GLB1L: variants seen among roughly 807,000 people sequenced by gnomAD.
The protein encoded by GLB1L is galactosidase beta 1 like.
In GLB1L, 58 loss-of-function variants were observed where a neutral mutation model predicts 75.7. That is an observed-to-expected ratio of 0.77 (90% CI 0.62 to 0.95). The LOEUF (loss-of-function observed/expected upper bound fraction) is 0.95, where lower values mean the gene tolerates loss of function less well. Ranked by LOEUF, GLB1L falls within the 40% of genes least tolerant of loss-of-function variation. GLB1L has a pLI of 0.00. For missense variants in GLB1L, 797 were observed against 805.5 expected (o/e 0.99, Z 0.13); for synonymous variants, 296 against 303.0 (o/e 0.98, Z 0.24).
At chr2:219,243,418 GGTT>G (rs1227250817) in intron 2 of GLB1L, 81 bp downstream of exon 2, 3 of 1,597,366 alleles carry the variant, frequency 1.9e-6, no homozygotes, top group African/African-American at 2.7e-5. Context: ...CGGGTTGTTT[GGTT>G]GTTACTTTGG....
At chr2:219,240,347 A>G (rs1169313554) in intron 5 of GLB1L, 62 bp from the exon 6 acceptor site, 5 of 1,238,860 alleles carry the variant, frequency 4.0e-6, no homozygotes, top group Non-Finnish European at 3.6e-6. Flanking sequence ...ACCACTAAAT[A>G]TGGGAAGCAA....
chr2:219,241,479 T>C (rs1450350835), intron 5 of GLB1L, among the ~76,000 whole-genome samples: 6 of 142,998 alleles, frequency 4.2e-5, no homozygotes, highest in African/African-American at 1.0e-4. Context: ...TACATATATA[T>C]GTATGTATAG....
At chr2:219,238,069 T>G in intron 14 of GLB1L, 112 bp from the exon 15 acceptor site, 1 of 1,165,328 alleles carries the variant, frequency 8.6e-7, no homozygotes, top group South Asian at 1.4e-5. Context: ...TGTAGCCATC[T>G]ATCACCCATC....
chr2:219,242,941 G>C (rs762477494), intron 3 of GLB1L, 23 bp from the exon 4 acceptor site: 1 of 1,613,816 alleles, frequency 6.2e-7, no homozygotes, highest in South Asian at 1.1e-5. Context: ...GAGGTTAATA[G>C]GAACCAAGGT....
rs1186007438 is a variant in GLB1L at position 219,242,916 on chromosome 2, T to C, written c.242A>G (p.Tyr81Cys). The C allele has an allele frequency of 3.1e-6, 5 of 1,613,984 alleles. No homozygotes were observed. The highest frequency in any genetic ancestry group is 1.3e-5 in the African/African-American group (1 of 74,896). ...RWSGLNAIQF[Y>C]VPWNYHEPQP... ...TGGCTCGTGGTAGTTCCAGGGCACA[T>C]AACTGAGAAAGGAAGAGGTTAATAG... The change falls in exon 4 of 17, where the codon TAT (tyrosine) becomes TGT (cysteine). Residue 81 changes from tyrosine to cysteine, a missense_variant and splice_region_variant. Coordinates refer to ENST00000295759, the MANE Select transcript of GLB1L (RefSeq NM_001286423.2).
intron 5 of GLB1L, among the ~76,000 whole-genome samples, chr2:219,241,465 T>TATATATATATATAC (rs1457421471): frequency 1.2e-4 from 16 of 136,510 alleles, no homozygotes; most frequent in East Asian, 1.1e-3. Flanking sequence ...TATATATATA[T>TATATATATATATAC]ACATACATAT....
chr2:219,241,958 A>T (rs955492232), intron 5 of GLB1L, among the ~76,000 whole-genome samples: 1 of 152,036 alleles, frequency 6.6e-6, no homozygotes. Context: ...AAGCACTTAA[A>T]TTTAATGTTT....
chr2:219,242,313 CT>C (rs958324397), intron 5 of GLB1L, among the ~76,000 whole-genome samples, 200 bp downstream of exon 5: 13 of 148,708 alleles, frequency 8.7e-5, no homozygotes, highest in Non-Finnish European at 1.6e-4. Context: ...TAATCAGTTT[CT>C]TCCACTATAT....
In GLB1L at chr2:219,236,889, C is replaced by A. The variant is rs1385869549; in HGVS notation, c.*183G>T. Reference sequence around the variant, plus strand: ...AAGCAATTCTCCTGCCCTCAGCCTCCCAAGTAGCTGGGATTAGAGGTGCCC... The same window carrying A: ...AAGCAATTCTCCTGCCCTCAGCCTCACAAGTAGCTGGGATTAGAGGTGCCC... On this transcript the variant is annotated 3_prime_UTR_variant, in exon 17 of 17. Coordinates refer to ENST00000295759, the MANE Select transcript of GLB1L (RefSeq NM_001286423.2). The A allele has an allele frequency of 3.8e-6, 2 of 527,656 alleles. No homozygotes were observed. Among genetic ancestry groups the A allele is most frequent in the Non-Finnish European group, 6.8e-6 (2 of 295,840 alleles). The allele number at this position is 527,656 out of a possible 1,614,324, so 32.7% of individuals were successfully genotyped here.
Position 219,242,810 on chromosome 2 carries a change from G to T in GLB1L, c.348C>A (p.Val116=). 6.2e-7 allele frequency: 1 copy of T among 1,614,130 alleles called. No individual in the cohort carries two copies. Among genetic ancestry groups the T allele is most frequent in the South Asian group, 1.1e-5 (1 of 91,032 alleles). Residue 116 remains valine, a synonymous_variant, in exon 4 of 17, where the codon GTC becomes GTA. Transcript: ENST00000295759. ...AGATGTAAGGTCCTGGTCTCAGTAT[G>T]ACCAACAGGTTCGCTAGAGCTGCCT... ...LNEAALANLL[V]ILRPGPYICA... is the part of the protein sequence containing the mutation.
rs866232352 is a variant in GLB1L at position 219,241,444 on chromosome 2, A to G, written c.451+1070T>C. 1.9e-3 allele frequency among the ~76,000 whole-genome samples: 231 copies of G among 119,076 alleles called. 4 individuals carry two copies. The highest frequency in any genetic ancestry group is 7.8e-3 in the African/African-American group (219 of 28,190). 78.1% of individuals were successfully genotyped at this position (119,076 alleles called of 152,430 possible). A position where few individuals can be genotyped will look rare whatever the true frequency, so the allele number is the denominator to read the frequency against. On this transcript the variant is annotated intron_variant, in intron 5 of 16. Coordinates refer to ENST00000295759, the MANE Select transcript of GLB1L (RefSeq NM_001286423.2). ...TGTGTGTGTGTGTGTGTGTGTGTGT[A>G]TATATATATATATATATATATACAT...
At position 219,237,147 on chromosome 2, in the gene GLB1L, C is replaced by T; in HGVS notation, c.1890G>A (p.Leu630=). The T allele has an allele frequency of 6.2e-7, 1 of 1,614,120 alleles. No homozygotes were observed. The highest frequency in any genetic ancestry group is 8.5e-7 in the Non-Finnish European group (1 of 1,179,998). ...DKPILNSTST[L]HRTHINSLSA... ...AAAGGGAATTGATATGTGTCCTGTGCAAAGTACTAGTGCTATTGAGGATAG... is the reference window on the plus strand; with the variant it reads ...AAAGGGAATTGATATGTGTCCTGTGTAAAGTACTAGTGCTATTGAGGATAG... Residue 630 remains leucine (L), a synonymous_variant, in exon 17 of 17, where the codon TTG becomes TTA. Coordinates refer to ENST00000295759, the MANE Select transcript of GLB1L (RefSeq NM_001286423.2).
Position 219,239,116 on chromosome 2 carries a change from A to T in GLB1L, c.1038T>A (p.Phe346Leu), listed in dbSNP as rs889350570. The T allele has an allele frequency of 3.1e-6, 5 of 1,612,730 alleles. No individual in the cohort carries two copies. The highest frequency in any genetic ancestry group is 2.7e-5 in the African/African-American group (2 of 74,886). ...CCTTGCTGATGACATCTCGAAGAGC[A>T]AAAAGCTTAGGTGTGGGGTCCCCTG... is the stretch of plus-strand genomic sequence containing the variant. ...SEAGDPTPKL[F>L]ALRDVISKFQ... The change falls in exon 11 of 17, where the codon TTT becomes TTA. Residue 346 changes from phenylalanine to leucine, a missense_variant. Phe to Leu is a conservative substitution (Grantham distance 22, BLOSUM62 0). Transcript: ENST00000295759.
At chr2:219,244,387 C>A (rs1238753756) in intron 1 of GLB1L, among the ~76,000 whole-genome samples, 1 of 152,036 alleles carries the variant, frequency 6.6e-6, no homozygotes, top group Non-Finnish European at 1.5e-5. Flanking sequence ...AATGTCATAA[C>A]CAAAAGGCTA....
Position 219,237,232 on chromosome 2 carries a change from AT to A in GLB1L, c.1804del (p.Ile602LeufsTer6), listed in dbSNP as rs1352795866. The part of the protein sequence containing the change: ...LLFPRGALNK[I>X]TLLELEDVPL... The stretch of plus-strand genomic sequence containing the variant: ...TACATCTTCTAGTTCCAGCAATGTA[AT>A]TTTGTTGAGGGCTCCCCTAGGAAAC... On this transcript the variant is annotated frameshift_variant, in exon 17 of 17. Transcript: ENST00000295759. LOFTEE classifies it high-confidence loss of function. 1 of 1,614,004 alleles carries A rather than the reference AT, an allele frequency of 6.2e-7. No homozygotes were observed. The highest frequency in any genetic ancestry group is 8.5e-7 in the Non-Finnish European group (1 of 1,180,026).
In GLB1L at chr2:219,237,314, G is replaced by A. The variant is rs773516908; in HGVS notation, c.1723C>T (p.Arg575Trp). The change falls in exon 17 of 17, where the codon CGG (arginine) becomes TGG (tryptophan). Residue 575 changes from arginine (R) to tryptophan (W), a missense_variant. Physicochemically the swap from Arg to Trp is moderately radical, Grantham distance 101. Transcript: ENST00000295759. The part of the protein sequence containing the change: ...QVWINGFNLG[R>W]YWTKQGPQQT... ...TGTGGCCCCTGCTTTGTCCAGTACC[G>A]GCCCAAGTTAAACCCATTGATCCAG... is the stretch of plus-strand genomic sequence containing the variant. 1.8e-5 allele frequency: 29 copies of A among 1,613,768 alleles called. No individual in the cohort carries two copies. The highest frequency in any genetic ancestry group is 1.2e-4 in the Admixed American group (7 of 59,916).
At position 219,238,744 on chromosome 2, in the gene GLB1L, C is replaced by T. The variant is rs1029113316; in HGVS notation, c.1098G>A (p.Pro366=). The T allele has an allele frequency of 1.5e-5, 25 of 1,613,804 alleles. No homozygotes were observed. Among genetic ancestry groups the T allele is most frequent in the East Asian group, 6.7e-5 (3 of 44,886 alleles). Residue 366 remains proline, a synonymous_variant, in exon 12 of 17, where the codon CCG becomes CCA. Coordinates refer to ENST00000295759, the MANE Select transcript of GLB1L (RefSeq NM_001286423.2). ...CAGGTCCAAGCATCATCTTGGGGCT[C>T]GGGGGAGGTAAAGGTCCCAAAGGAA... ...QEVPLGPLPP[P]SPKMMLGPVT... is the part of the protein sequence containing the mutation.
chr2:219,238,653 C>T, intron 12 of GLB1L, 52 bp downstream of exon 12: 1 of 1,594,746 alleles, frequency 6.3e-7, no homozygotes, highest in Non-Finnish European at 8.6e-7. Context: ...AAAGAATAGG[C>T]TATTTAGAAA....
chr2:219,241,405 T>C (rs1453132621), intron 5 of GLB1L, among the ~76,000 whole-genome samples: 1 of 65,450 alleles, frequency 1.5e-5, no homozygotes, highest in Non-Finnish European at 3.3e-5. Flanking sequence ...AAAAATAATA[T>C]ATATATATGT....
Sources: gnomAD v4.1 joint callset for allele counts (sites outside exome capture counted in the v4.1 genomes callset) on GRCh38, gnomAD v4.1.1 for gene constraint, MANE v1.5 for transcripts, NCBI Gene and HGNC (gene_info 2026-07-23, HGNC 2026-07-21) for gene names.